The following HIKESHI variants were observed in gnomAD, a reference collection of about 807,000 sequenced individuals.
The protein encoded by HIKESHI is heat shock protein nuclear import factor hikeshi, also known as protein Hikeshi.
Under a neutral mutation model 25.7 loss-of-function variants are expected in HIKESHI, and 13 were observed. That is an observed-to-expected ratio of 0.51 (90% CI 0.33 to 0.80). HIKESHI has a LOEUF of 0.80. Ranked by LOEUF, HIKESHI falls within the 30% of genes least tolerant of loss-of-function variation. HIKESHI has a pLI of 0.02. For missense variants in HIKESHI, 174 were observed against 229.5 expected (o/e 0.76, Z 1.56); for synonymous variants, 76 against 78.7 (o/e 0.97, Z 0.18).
chr11:86,332,633 A>G (rs537037424), intron 2 of HIKESHI, among the ~76,000 whole-genome samples: 2 of 152,342 alleles, frequency 1.3e-5, no homozygotes, highest in East Asian at 3.9e-4. Context: ...CATCAAAACT[A>G]TACTTACAAA....
intron 3 of HIKESHI, among the ~76,000 whole-genome samples, chr11:86,342,717 T>A (rs10898470): frequency 0.62 from 93,138 of 150,058 alleles, 28,984 homozygotes; most frequent in East Asian, 0.79. Context: ...TTGAGTAATT[T>A]GTCCCATTTT....
chr11:86,302,581 T>G (rs1946525184), intron 1 of HIKESHI, 103 bp downstream of exon 1: 1 of 1,362,446 alleles, frequency 7.3e-7, no homozygotes, highest in African/African-American at 1.5e-5. Flanking sequence ...GGAAGCCCAC[T>G]TATTATATTT....
intron 3 of HIKESHI, among the ~76,000 whole-genome samples, chr11:86,342,484 T>C (rs1947758731): frequency 1.7e-4 from 2 of 11,806 alleles, no homozygotes; most frequent in African/African-American, 1.7e-3. Flanking sequence ...TGTTCGTGTG[T>C]GTGTGTGTGT....
intron 3 of HIKESHI, among the ~76,000 whole-genome samples, chr11:86,342,051 T>A (rs1046577314): frequency 1.8e-4 from 22 of 124,386 alleles, no homozygotes; most frequent in Non-Finnish European, 3.0e-4. Flanking sequence ...ACCTTTAAAA[T>A]TTTGCCAAAC....
chr11:86,302,630 G>A (rs1414045565), intron 1 of HIKESHI, 152 bp downstream of exon 1: 3 of 778,390 alleles, frequency 3.9e-6, no homozygotes, highest in Admixed American at 5.4e-5. Flanking sequence ...GAAGCTGGGT[G>A]CTCTCCTTTG....
At position 86,306,346 on chromosome 11, in the gene HIKESHI, C is replaced by T. The variant is rs200822371; in HGVS notation, c.132C>T (p.Ile44=). The change falls in exon 2 of 5, where the codon ATC becomes ATT. Residue 44 remains isoleucine, a synonymous_variant. Transcript: ENST00000278483. ...TTGTGGTTTTTATGCTGGGAACAAT[C>T]CCATTTCCTGAGGGAATGGGAGGAT... ...NHVVVFMLGT[I]PFPEGMGGSV... 11 of 1,613,896 alleles carry T rather than the reference C, an allele frequency of 6.8e-6. No homozygotes were observed. The highest frequency in any genetic ancestry group is 1.3e-5 in the African/African-American group (1 of 75,034).
In HIKESHI at chr11:86,316,866, T is replaced by C. The variant is rs1240702753; in HGVS notation, c.268+10384T>C. Among the ~76,000 whole-genome samples the C allele has an allele frequency of 4.3e-5, 6 of 139,752 alleles. No homozygotes were observed. The Admixed American group carries it at 4.7e-4, about 11-fold the overall frequency. 91.7% of individuals were successfully genotyped at this position (139,752 alleles called of 152,430 possible). Reference sequence around the variant, plus strand: ...TGGAGTGCAGTGGCACAGTCTCGGCTCATTGCAAGCTCCACCTCCTGGGTT... The same window carrying C: ...TGGAGTGCAGTGGCACAGTCTCGGCCCATTGCAAGCTCCACCTCCTGGGTT... On this transcript the variant is annotated intron_variant, in intron 2 of 4. Transcript: ENST00000278483.
At chr11:86,331,749 T>A (rs933150555) in intron 2 of HIKESHI, among the ~76,000 whole-genome samples, 1 of 152,210 alleles carries the variant, frequency 6.6e-6, no homozygotes, top group Non-Finnish European at 1.5e-5. Context: ...GAGAGTCACA[T>A]AGCTCTTAGA....
In HIKESHI at chr11:86,337,479, G is replaced by A. The variant is rs140987469; in HGVS notation, c.369G>A (p.Gln123=). 191 of 1,614,064 alleles carry A rather than the reference G, an allele frequency of 1.2e-4. No homozygotes were observed. In the African/African-American group the frequency reaches 2.3e-3, roughly 19 times the overall value. ...TGGAATTATTAGACAGTATGGCTCA[G>A]CAGACTCCTGTAGGTAATGCTGCTG... ...ISVELLDSMA[Q]QTPVGNAAVS... is the part of the protein sequence containing the mutation. Residue 123 remains glutamine, a synonymous_variant, in exon 3 of 5, where the codon CAG becomes CAA. Transcript: ENST00000278483.
At chr11:86,336,042 A>C (rs1194740991) in intron 2 of HIKESHI, among the ~76,000 whole-genome samples, 2 of 152,256 alleles carry the variant, frequency 1.3e-5, no homozygotes, top group Non-Finnish European at 2.9e-5. Flanking sequence ...AGAGAATATC[A>C]ATATAGAAAT....
At chr11:86,334,734 G>C (rs1200005439) in intron 2 of HIKESHI, among the ~76,000 whole-genome samples, 1 of 152,002 alleles carries the variant, frequency 6.6e-6, no homozygotes, top group Non-Finnish European at 1.5e-5. Context: ...CTGTAGTCTC[G>C]ATCTCCTAGG....
chr11:86,345,217 T>C, intron 4 of HIKESHI: 1 of 845,990 alleles, frequency 1.2e-6, no homozygotes, highest in Non-Finnish European at 1.5e-6. Context: ...TTTGGCATAA[T>C]GTAGCTATGT....
chr11:86,315,642 A>C (rs919140246), intron 2 of HIKESHI, among the ~76,000 whole-genome samples: 1 of 152,128 alleles, frequency 6.6e-6, no homozygotes, highest in Non-Finnish European at 1.5e-5. Context: ...AACTTTCAAA[A>C]CTCATTCTAA....
chr11:86,316,214 G>T (rs573744207), intron 2 of HIKESHI, among the ~76,000 whole-genome samples: 97 of 151,476 alleles, frequency 6.4e-4, no homozygotes, highest in South Asian at 2.9e-3. Context: ...TAGGAAAAGA[G>T]GAAAAAGAAA....
intron 3 of HIKESHI, among the ~76,000 whole-genome samples, chr11:86,343,065 T>A (rs1319170118): frequency 1.3e-5 from 2 of 152,192 alleles, no homozygotes; most frequent in Admixed American, 6.5e-5. Flanking sequence ...ATATGTGACA[T>A]GTTATGTCTT....
At chr11:86,319,024 C>T (rs1055349749) in intron 2 of HIKESHI, among the ~76,000 whole-genome samples, 40 of 152,070 alleles carry the variant, frequency 2.6e-4, no homozygotes, top group African/African-American at 9.4e-4. Context: ...TCAAGCCATC[C>T]TCCTGCCTTA....
At chr11:86,324,517 T>G (rs748865604) in intron 2 of HIKESHI, among the ~76,000 whole-genome samples, 1 of 152,164 alleles carries the variant, frequency 6.6e-6, no homozygotes, top group Non-Finnish European at 1.5e-5. Context: ...ATTAAAATGT[T>G]TTGGGTGGTT....
intron 2 of HIKESHI, among the ~76,000 whole-genome samples, chr11:86,315,306 C>A (rs970242062): frequency 3.4e-5 from 5 of 147,634 alleles, no homozygotes; most frequent in African/African-American, 1.3e-4. Flanking sequence ...ATTAAAGTGC[C>A]CAGGAAAAAT....
intron 2 of HIKESHI, among the ~76,000 whole-genome samples, chr11:86,325,733 G>A (rs1423325747): frequency 1.3e-5 from 2 of 151,904 alleles, no homozygotes; most frequent in Admixed American, 6.6e-5. Flanking sequence ...TTAGCTGGGC[G>A]TGGTGGTGTG....
Sources: allele counts gnomAD v4.1 joint callset (sites outside exome capture counted in the v4.1 genomes callset), GRCh38; gene constraint gnomAD v4.1.1; transcripts MANE v1.5; gene names NCBI Gene and HGNC (gene_info 2026-07-23, HGNC 2026-07-21).